ABCG2: variants seen among roughly 807,000 people sequenced by gnomAD.
ABCG2 encodes the protein ATP binding cassette subfamily G member 2 (JR blood group).
A neutral mutation model predicts 73.5 loss-of-function variants in ABCG2; 80 were observed. That is an observed-to-expected ratio of 1.09 (90% CI 0.91 to 1.31). ABCG2 has a LOEUF of 1.31. ABCG2 is among the 50% of genes most tolerant of loss of function. ABCG2 has a pLI of 0.00. For synonymous variants in ABCG2, 269 were observed against 282.4 expected (o/e 0.95, Z 0.48); for missense variants, 796 against 786.2 (o/e 1.01, Z -0.15).
intron 1 of ABCG2, among the ~76,000 whole-genome samples, chr4:88,165,636 G>T (rs1727484469): frequency 6.6e-6 from 1 of 152,220 alleles, no homozygotes; most frequent in African/African-American, 2.4e-5. Context: ...AGCACTTTGG[G>T]AGGCCGAGGC....
intron 5 of ABCG2, among the ~76,000 whole-genome samples, chr4:88,127,565 C>T (rs905104022): frequency 3.3e-5 from 5 of 151,984 alleles, no homozygotes; most frequent in African/African-American, 1.2e-4. Context: ...GTACTGGTAC[C>T]AAAACAGATA....
chr4:88,091,937 T>C lies in ABCG2; in HGVS notation c.*297A>G. 4.0e-6 allele frequency: 1 copy of C among 252,780 alleles called. No homozygotes were observed. Among genetic ancestry groups the C allele is most frequent in the Non-Finnish European group, 7.6e-6 (1 of 131,714 alleles). 15.7% of individuals were successfully genotyped at this position (252,780 alleles called of 1,614,324 possible). A position where few individuals can be genotyped will look rare whatever the true frequency, so the allele number is the denominator to read the frequency against. On this transcript the variant is annotated 3_prime_UTR_variant, in exon 16 of 16. Transcript: ENST00000237612. ...ACAAATGCCAGAGACAGTAATAACT[T>C]GTCAGGAGTTTCCAGAATTCAATTC... is the stretch of plus-strand genomic sequence containing the variant.
chr4:88,206,320 C>T (rs1440622218), intron 1 of ABCG2: 2 of 152,154 alleles, frequency 1.3e-5, no homozygotes, highest in Admixed American at 1.3e-4. Flanking sequence ...AAACTCCTGA[C>T]CCTTAGAAGC....
Position 88,198,639 on chromosome 4 carries a change from G to A in ABCG2, c.-20+32355C>T, listed in dbSNP as rs561939396. Among the ~76,000 whole-genome samples, 9 of 152,042 alleles carry A rather than the reference G, an allele frequency of 5.9e-5. No homozygotes were observed. In the East Asian group the frequency reaches 1.7e-3, roughly 29 times the overall value. Reference sequence around the variant, plus strand: ...CAAAGGAGACTATGCCTCTAAAAAAGAAAAATAAATAAATGAAAGCTCCAA... The same window carrying A: ...CAAAGGAGACTATGCCTCTAAAAAAAAAAAATAAATAAATGAAAGCTCCAA... On this transcript the variant is annotated intron_variant, in intron 1 of 15. Coordinates refer to the ABCG2 transcript ENST00000515655.
intron 1 of ABCG2, among the ~76,000 whole-genome samples, chr4:88,147,554 G>T (rs112892865): frequency 6.6e-6 from 1 of 152,200 alleles, no homozygotes; most frequent in African/African-American, 2.4e-5. Context: ...CTCTACAGAG[G>T]CTGGCTATCA....
chr4:88,132,499 G>A lies in ABCG2; in HGVS notation c.263+77C>T, dbSNP rs141759049. 4.0e-4 allele frequency: 583 copies of A among 1,456,746 alleles called. 2 individuals carry two copies. Among genetic ancestry groups the A allele is most frequent in the African/African-American group, 4.8e-4 (34 of 71,418 alleles). The allele number at this position is 1,456,746 out of a possible 1,614,324, so 90.2% of individuals were successfully genotyped here. On this transcript the variant is annotated intron_variant, in intron 3 of 15. Coordinates refer to ENST00000237612, the MANE Select transcript of ABCG2 (RefSeq NM_004827.3). ...GCAAATGCTCAATAAATACCTGCTCGCACACAAAAAAAAGTGGCTTTTAAA... is the reference window on the plus strand; with the variant it reads ...GCAAATGCTCAATAAATACCTGCTCACACACAAAAAAAAGTGGCTTTTAAA...
At chr4:88,204,683 C>T (rs758472533) in intron 1 of ABCG2, among the ~76,000 whole-genome samples, 7 of 152,096 alleles carry the variant, frequency 4.6e-5, no homozygotes, top group Non-Finnish European at 1.0e-4. Context: ...TGCAAGAAAG[C>T]TTCATTTTAT....
chr4:88,157,773 G>A (rs189578446), intron 1 of ABCG2, among the ~76,000 whole-genome samples: 93 of 152,216 alleles, frequency 6.1e-4, no homozygotes, highest in Non-Finnish European at 8.8e-5. Flanking sequence ...CTACTCTGGT[G>A]TATTTATTTA....
At chr4:88,150,736 T>C (rs1726409076) in intron 1 of ABCG2, among the ~76,000 whole-genome samples, 1 of 152,220 alleles carries the variant, frequency 6.6e-6, no homozygotes, top group African/African-American at 2.4e-5. Context: ...AAAGCCATCT[T>C]GGGCCACATG....
At chr4:88,149,960 G>A (rs1030864231) in intron 1 of ABCG2, among the ~76,000 whole-genome samples, 2 of 152,118 alleles carry the variant, frequency 1.3e-5, no homozygotes, top group Admixed American at 6.5e-5. Context: ...CCGGCCCTCA[G>A]TGAGGTTACA....
chr4:88,162,051 A>G (rs896272790), upstream of ABCG2, among the ~76,000 whole-genome samples: 10 of 152,074 alleles, frequency 6.6e-5, no homozygotes, highest in Admixed American at 2.0e-4. Context: ...TGTACAAACA[A>G]TTTTTTAAAA....
chr4:88,229,455 A>C (rs899466287), intron 1 of ABCG2, among the ~76,000 whole-genome samples: 4 of 152,234 alleles, frequency 2.6e-5, no homozygotes, highest in African/African-American at 9.6e-5. Context: ...CCTGGGCAAC[A>C]TAATGAGATC....
chr4:88,159,288 C>A (rs1435836253), upstream of ABCG2: 1 of 451,378 alleles, frequency 2.2e-6, no homozygotes, highest in South Asian at 1.6e-5. Flanking sequence ...GTTGCCCAGT[C>A]ACAAGCGCTG....
chr4:88,110,505 T>C (rs1578184590), intron 9 of ABCG2, among the ~76,000 whole-genome samples: 1 of 151,932 alleles, frequency 6.6e-6, no homozygotes, highest in South Asian at 2.1e-4. Flanking sequence ...ACAGCACCAC[T>C]GCACTCCAGC....
At chr4:88,131,978 G>T in intron 3 of ABCG2, 61 bp from the exon 4 acceptor site, 1 of 1,287,666 alleles carries the variant, frequency 7.8e-7, no homozygotes, top group Non-Finnish European at 1.1e-6. Flanking sequence ...TATGTTGTGG[G>T]GTTTTTTTCC....
At chr4:88,167,683 G>C (rs117968956) in intron 1 of ABCG2, among the ~76,000 whole-genome samples, 88 of 152,028 alleles carry the variant, frequency 5.8e-4, no homozygotes, top group African/African-American at 2.0e-3. Context: ...GGCTCTTTCT[G>C]CCTTTTAAAG....
chr4:88,159,038 G>C (rs553040636), upstream of ABCG2: 3 of 419,570 alleles, frequency 7.2e-6, no homozygotes, highest in South Asian at 3.4e-5. Context: ...GTGTCCTGCC[G>C]CGCTGAGCCG....
At chr4:88,189,105 G>A (rs1303387786) in intron 1 of ABCG2, among the ~76,000 whole-genome samples, 2 of 152,000 alleles carry the variant, frequency 1.3e-5, no homozygotes, top group African/African-American at 2.4e-5. Flanking sequence ...GTCTCTTTCC[G>A]CAATGTTTTG....
In ABCG2 at chr4:88,188,761, C is replaced by T. The variant is rs377256020; in HGVS notation, c.-20+42233G>A. Among the ~76,000 whole-genome samples, 40 of 152,240 alleles carry T rather than the reference C, an allele frequency of 2.6e-4. No homozygotes were observed. In the East Asian group the frequency reaches 3.9e-3, roughly 15 times the overall value. ...CTGCGCAGTGGCTCATGCCTGTAAT[C>T]CCAGCACTTTGGAAGGCCAAGGCAG... is the stretch of plus-strand genomic sequence containing the variant. On this transcript the variant is annotated intron_variant, in intron 1 of 15. Coordinates refer to the ABCG2 transcript ENST00000515655.
Sources: allele counts gnomAD v4.1 joint callset (sites outside exome capture counted in the v4.1 genomes callset), GRCh38; gene constraint gnomAD v4.1.1; transcripts MANE v1.5; gene names NCBI Gene and HGNC (gene_info 2026-07-23, HGNC 2026-07-21).